The following SYNE2 variants were observed in gnomAD, a reference collection of about 807,000 sequenced individuals.
SYNE2 encodes spectrin repeat containing nuclear envelope protein 2.
Under a neutral mutation model 856.3 loss-of-function variants are expected in SYNE2, and 431 were observed. That is an observed-to-expected ratio of 0.50 (90% CI 0.47 to 0.55). SYNE2 has a LOEUF of 0.55. SYNE2 is among the 20% of genes least tolerant of loss of function. The pLI, the probability that SYNE2 is intolerant of heterozygous loss-of-function variation, is 0.00. For synonymous variants in SYNE2, 2,923 were observed against 2,872.3 expected, an observed-to-expected ratio of 1.02 and a Z score of -0.56; for missense variants, 8,129 against 8,023.2, an observed-to-expected ratio of 1.01 and a Z score of -0.50.
chr14:64,122,381 T>A lies in SYNE2; in HGVS notation c.13376T>A (p.Leu4459His). ...AAGTGGCAATATCTGCATCATGAAC[T>A]CTCATCAAAAATAAAGCTCCCACTC... Reference protein sequence around the residue: ...GDKWQYLHHELSSKIKLPLPQ... With the variant: ...GDKWQYLHHEHSSKIKLPLPQ... The change falls in exon 70 of 116, where the codon CTC (leucine) becomes CAC (histidine). Residue 4459 changes from leucine to histidine, a missense_variant. Around this residue, in one of 3 missense-constraint regions of SYNE2, gnomAD observed 5,410 missense variants for 5,284.8 expected, o/e 1.02. Coordinates refer to ENST00000555002, the MANE Select transcript of SYNE2 (RefSeq NM_182914.3). The A allele has an allele frequency of 6.2e-7, 1 of 1,614,188 alleles. No homozygotes were observed. Among genetic ancestry groups the A allele is most frequent in the Non-Finnish European group, 8.5e-7 (1 of 1,180,026 alleles).
intron 108 of SYNE2, among the ~76,000 whole-genome samples, chr14:64,217,921 C>T (rs138793577): frequency 3.9e-5 from 6 of 152,198 alleles, no homozygotes; most frequent in South Asian, 2.1e-4. Context: ...CACTTGGTAA[C>T]GAATGCCCCT....
chr14:64,156,293 C>A (rs893153448), intron 85 of SYNE2, among the ~76,000 whole-genome samples: 4 of 152,156 alleles, frequency 2.6e-5, no homozygotes, highest in African/African-American at 9.7e-5. Context: ...CAACATGAGC[C>A]ATGGCAGTTC....
chr14:64,118,550 T>G (rs955526788), intron 66 of SYNE2, among the ~76,000 whole-genome samples: 6 of 152,154 alleles, frequency 3.9e-5, no homozygotes, highest in Admixed American at 3.9e-4. Flanking sequence ...TACTCCACAC[T>G]TGGATTGCAA....
chr14:63,927,029 G>T (rs1231779287), intron 2 of SYNE2, among the ~76,000 whole-genome samples: 2 of 152,220 alleles, frequency 1.3e-5, no homozygotes, highest in African/African-American at 4.8e-5. Context: ...GGCGGGAGTG[G>T]CTGGAGCCAG....
chr14:64,163,398 G>A lies in SYNE2; in HGVS notation c.16300-4G>A. The A allele has an allele frequency of 1.2e-6, 2 of 1,613,704 alleles. No individual in the cohort carries two copies. The highest frequency in any genetic ancestry group is 1.7e-6 in the Non-Finnish European group (2 of 1,180,020). On this transcript the variant is annotated splice_region_variant and splice_polypyrimidine_tract_variant and intron_variant, in intron 88 of 115. Transcript: ENST00000555002. The stretch of plus-strand genomic sequence containing the variant: ...GGTGTTTGCCATCCCTTTTTCTTCT[G>A]CAGGAGCTGCAGCATGATGTGCAGA...
rs1339276369 is a variant in SYNE2 at position 64,037,890 on chromosome 14, G to T, written c.7221+6533G>T. Among the ~76,000 whole-genome samples the T allele has an allele frequency of 1.3e-3, 200 of 150,686 alleles. 2 individuals carry two copies. The highest frequency in any genetic ancestry group is 4.3e-3 in the African/African-American group (176 of 40,984). On this transcript the variant is annotated intron_variant, in intron 45 of 115. Transcript: ENST00000555002. Reference sequence around the variant, plus strand: ...GGACGGGGCGGCTGGCCGGGCGGGGGGCTGACCCCCAACCTCCCTCCCGGA... The same window carrying T: ...GGACGGGGCGGCTGGCCGGGCGGGGTGCTGACCCCCAACCTCCCTCCCGGA...
chr14:64,172,965 C>G (rs999027308), intron 94 of SYNE2, among the ~76,000 whole-genome samples: 2 of 151,732 alleles, frequency 1.3e-5, no homozygotes, highest in South Asian at 2.1e-4. Context: ...TTTGGAATTT[C>G]AGTGATCGCT....
At chr14:64,177,624 C>A in intron 96 of SYNE2, 141 bp downstream of exon 96, 2 of 1,087,402 alleles carry the variant, frequency 1.8e-6, no homozygotes, top group Non-Finnish European at 2.8e-6. Context: ...TCTAACATAA[C>A]ATGCTCGTCT....
chr14:64,170,171 T>G (rs2098403979), intron 93 of SYNE2, 57 bp from the exon 94 acceptor site: 2 of 1,539,996 alleles, frequency 1.3e-6, no homozygotes, highest in East Asian at 2.2e-5. Context: ...TACCCACTGA[T>G]AGTTATTTTT....
chr14:63,927,097 C>T (rs559315562), intron 2 of SYNE2, among the ~76,000 whole-genome samples: 5 of 152,158 alleles, frequency 3.3e-5, no homozygotes, highest in African/African-American at 4.8e-5. Flanking sequence ...GCCCACACAG[C>T]GCCTCCTAGG....
chr14:63,858,614 C>T (rs1892592108), intron 1 of SYNE2, among the ~76,000 whole-genome samples: 1 of 152,002 alleles, frequency 6.6e-6, no homozygotes, highest in Non-Finnish European at 1.5e-5. Flanking sequence ...CCCACTCCTG[C>T]GATGATGGCA....
At chr14:64,203,388 G>A (rs1387071889) in intron 100 of SYNE2, among the ~76,000 whole-genome samples, 2 of 152,116 alleles carry the variant, frequency 1.3e-5, no homozygotes, top group Non-Finnish European at 2.9e-5. Flanking sequence ...AACAAGAAAA[G>A]GTGTGATAAG....
chr14:64,017,614 A>G lies in SYNE2; in HGVS notation c.4907A>G (p.Asp1636Gly). The change falls in exon 34 of 116, where the codon GAT becomes GGT. Residue 1636 changes from aspartate (D) to glycine (G), a missense_variant. Asp to Gly is a moderately conservative substitution (Grantham distance 94). Around this residue, in one of 3 missense-constraint regions of SYNE2, gnomAD observed 2,422 missense variants for 2,357.4 expected, o/e 1.03. Transcript: ENST00000555002. The part of the protein sequence containing the change: ...RWLDINEKTE[D>G]YYENLGRALA... ...TGGTAGATAAATGAGAAGACAGAAG[A>G]TTACTATGAAAATCTTGGTCGAGCT... 1 of 1,612,788 alleles carries G rather than the reference A, an allele frequency of 6.2e-7. No individual in the cohort carries two copies. Among genetic ancestry groups the G allele is most frequent in the Non-Finnish European group, 8.5e-7 (1 of 1,179,226 alleles).
rs200656842 is a variant in SYNE2 at position 64,128,517 on chromosome 14, T to C, written c.13983T>C (p.Asn4661=). 8 of 1,610,300 alleles carry C rather than the reference T, an allele frequency of 5.0e-6. No individual in the cohort carries two copies. The highest frequency in any genetic ancestry group is 3.3e-4 in the Middle Eastern group (2 of 6,056). Residue 4661 remains asparagine (N), a synonymous_variant, in exon 74 of 116, where the codon AAT becomes AAC. Coordinates refer to ENST00000555002, the MANE Select transcript of SYNE2 (RefSeq NM_182914.3). ...AGACATCTTTACAACAGTCTTTGAA[T>C]GAAATCAGTGGGCAGAGTGTTGCTG... ...KSKTSLQQSL[N]EISGQSVAEQ...
chr14:63,819,765 T>A (rs1045803862), intron 1 of SYNE2, among the ~76,000 whole-genome samples: 3 of 151,940 alleles, frequency 2.0e-5, no homozygotes, highest in Non-Finnish European at 4.4e-5. Context: ...CTCGATCTCC[T>A]GACCTCGTGA....
chr14:64,202,094 G>A (rs2098572518), intron 99 of SYNE2: 1 of 679,618 alleles, frequency 1.5e-6, no homozygotes, highest in South Asian at 1.5e-5. Context: ...TCCACGCCGA[G>A]TTGGGCCGGA....
At chr14:64,076,969 A>C (rs1434554196) in intron 54 of SYNE2, among the ~76,000 whole-genome samples, 1 of 152,146 alleles carries the variant, frequency 6.6e-6, no homozygotes, top group Admixed American at 6.5e-5. Flanking sequence ...TTTCTCAAGG[A>C]TCTCGTTACT....
intron 57 of SYNE2, among the ~76,000 whole-genome samples, chr14:64,082,834 C>G (rs1259531816): frequency 6.6e-6 from 1 of 152,198 alleles, no homozygotes; most frequent in Non-Finnish European, 1.5e-5. Flanking sequence ...TCCAAATTTC[C>G]TGTCCTTGCT....
At chr14:63,945,959 A>G (rs2096019469) in intron 6 of SYNE2, among the ~76,000 whole-genome samples, 1 of 152,198 alleles carries the variant, frequency 6.6e-6, no homozygotes, top group Non-Finnish European at 1.5e-5. Context: ...TGATGGTGTC[A>G]GAACATATGA....
Sources: gnomAD v4.1 joint callset for allele counts (sites outside exome capture counted in the v4.1 genomes callset) on GRCh38, gnomAD v4.1.1 for gene constraint, gnomAD v4.1.1 regional missense constraint, MANE v1.5 for transcripts, NCBI Gene and HGNC (gene_info 2026-07-23, HGNC 2026-07-21) for gene names.